NHS: variants seen among roughly 807,000 people sequenced by gnomAD.
The protein encoded by NHS is NHS actin remodeling regulator, also known as actin remodeling regulator NHS.
A neutral mutation model predicts 72.5 loss-of-function variants in NHS; 5 were observed. That is an observed-to-expected ratio of 0.07 (90% CI 0.04 to 0.14). The LOEUF is 0.14. Among genes scored for constraint, NHS ranks in the 10% least tolerant of loss-of-function variants. NHS has a pLI of 1.00. For synonymous variants in NHS, 464 were observed against 547.7 expected (o/e 0.85, Z 2.13); for missense variants, 1,072 against 1,355.7 (o/e 0.79, Z 3.29).
chrX:17,441,491 A>G (rs1173489005), intron 1 of NHS, among the ~76,000 whole-genome samples: 1 of 112,097 alleles, frequency 8.9e-6, no homozygotes, highest in Non-Finnish European at 1.9e-5. Flanking sequence ...GAGGGTGAGA[A>G]TGTTACTGAA....
chrX:17,696,131 C>T (rs1020888495), intron 3 of NHS, among the ~76,000 whole-genome samples: 1 of 111,678 alleles, frequency 9.0e-6, no homozygotes, highest in Admixed American at 9.5e-5. Context: ...ACAGAAACTA[C>T]AGCTTTAGGC....
rs1024634926 is a variant in NHS, at chrX:17,708,879, T to C, written c.853-10465T>C. Among the ~76,000 whole-genome samples the C allele has an allele frequency of 2.7e-5, 3 of 111,621 alleles. No homozygotes were observed. In the Admixed American group the frequency reaches 2.9e-4, roughly 11 times the overall value. ...GATCTTGAATGCCAGACTAGAAAGT[T>C]TGAATTTATTCCATAAGCCTAGCAA... On this transcript the variant is annotated intron_variant, in intron 3 of 8. Transcript: ENST00000676302.
intron 1 of NHS, among the ~76,000 whole-genome samples, chrX:17,542,511 C>T (rs1249604595): frequency 8.8e-6 from 1 of 113,097 alleles, no homozygotes; most frequent in African/African-American, 3.2e-5. Context: ...GTCATTACAA[C>T]TAATGCCAAA....
intron 1 of NHS, among the ~76,000 whole-genome samples, chrX:17,674,295 A>G (rs972747127): frequency 2.7e-5 from 3 of 111,912 alleles, no homozygotes; most frequent in Non-Finnish European, 5.6e-5. Context: ...TCTGCCTCAA[A>G]CCAACCGGAG....
At chrX:17,448,015 CT>C (rs2064790254) in intron 1 of NHS, among the ~76,000 whole-genome samples, 1 of 111,759 alleles carries the variant, frequency 8.9e-6, no homozygotes, top group East Asian at 2.8e-4. Context: ...AAGTCCCCTC[CT>C]TGTTGAACTG....
intron 1 of NHS, among the ~76,000 whole-genome samples, chrX:17,542,388 C>T (rs1012477918): frequency 8.8e-6 from 1 of 113,496 alleles, no homozygotes; most frequent in Non-Finnish European, 1.9e-5. Context: ...CTTATTCCTT[C>T]CTGGCATTGG....
chrX:17,552,652 G>C (rs189254727), intron 1 of NHS: 1 of 112,048 alleles, frequency 8.9e-6, no homozygotes, highest in African/African-American at 3.2e-5. Flanking sequence ...TTAAGGGAGA[G>C]GGGGTGGGGA....
At chrX:17,704,650 T>C (rs1288839275) in intron 3 of NHS, among the ~76,000 whole-genome samples, 2 of 111,603 alleles carry the variant, frequency 1.8e-5, no homozygotes, top group Non-Finnish European at 3.8e-5. Flanking sequence ...GATGACTGAC[T>C]GGGCAGAATG....
At chrX:17,415,818 T>C (rs958202469) in intron 1 of NHS, among the ~76,000 whole-genome samples, 1 of 111,784 alleles carries the variant, frequency 8.9e-6, no homozygotes, top group African/African-American at 3.3e-5. Flanking sequence ...AAACAGAGTC[T>C]TCATTCTTTT....
At chrX:17,592,929 A>G (rs1383533765) in intron 1 of NHS, among the ~76,000 whole-genome samples, 1 of 111,576 alleles carries the variant, frequency 9.0e-6, no homozygotes, top group Non-Finnish European at 1.9e-5. Context: ...GTAAAGTTCT[A>G]TCTACTTTGG....
chrX:17,386,875 GTC>G (rs1305126701), intron 1 of NHS, among the ~76,000 whole-genome samples: 2 of 110,981 alleles, frequency 1.8e-5, no homozygotes, highest in African/African-American at 6.6e-5. Flanking sequence ...GTCTCCCATT[GTC>G]TCTGTTAAAC....
intron 1 of NHS, among the ~76,000 whole-genome samples, chrX:17,415,044 T>C (rs1173543381): frequency 9.0e-6 from 1 of 111,108 alleles, no homozygotes; most frequent in Non-Finnish European, 1.9e-5. Context: ...CGGGAGGTTG[T>C]GGGATATCAC....
chrX:17,496,627 C>T (rs2065013626), intron 1 of NHS, among the ~76,000 whole-genome samples: 1 of 111,581 alleles, frequency 9.0e-6, no homozygotes, highest in Non-Finnish European at 1.9e-5. Context: ...GCCAGGAGAA[C>T]TGGTTTGGCA....
chrX:17,616,963 C>A (rs7878616), intron 1 of NHS, among the ~76,000 whole-genome samples: 5 of 111,756 alleles, frequency 4.5e-5, no homozygotes, highest in Non-Finnish European at 9.4e-5. Context: ...CCTCTGTCCT[C>A]GTAATTTAAT....
intron 2 of NHS, among the ~76,000 whole-genome samples, chrX:17,691,125 T>C (rs992322904): frequency 1.8e-5 from 2 of 111,582 alleles, no homozygotes; most frequent in South Asian, 7.6e-4. Context: ...GAAAGATATA[T>C]GTTTAAGATT....
chrX:17,571,509 G>A lies in NHS; in HGVS notation c.566-116233G>A, dbSNP rs2065477945. Among the ~76,000 whole-genome samples, 3 of 111,752 alleles carry A rather than the reference G, an allele frequency of 2.7e-5. No individual in the cohort carries two copies. The South Asian group carries it at 1.1e-3, about 42-fold the overall frequency. On this transcript the variant is annotated intron_variant, in intron 1 of 8. Transcript: ENST00000676302. ...TAGTTTGTATTTCTGTGGGATTGGT[G>A]GTGGTATCCCCTTTATCATTTTTTA...
intron 1 of NHS, among the ~76,000 whole-genome samples, chrX:17,485,171 C>T (rs1439765032): frequency 8.9e-6 from 1 of 112,316 alleles, no homozygotes; most frequent in East Asian, 2.8e-4. Flanking sequence ...CCCAGGTTAC[C>T]TACGTAGCAC....
chrX:17,432,512 T>C (rs978743745), intron 1 of NHS, among the ~76,000 whole-genome samples: 2 of 112,973 alleles, frequency 1.8e-5, no homozygotes, highest in Non-Finnish European at 3.7e-5. Context: ...TCTATGCTTT[T>C]ATATCACTTT....
At chrX:17,572,926 C>T (rs1008475023) in intron 1 of NHS, among the ~76,000 whole-genome samples, 2 of 111,298 alleles carry the variant, frequency 1.8e-5, no homozygotes, top group African/African-American at 6.6e-5. Context: ...TTTATTTCTC[C>T]GTCACTTATG....
Sources: allele counts gnomAD v4.1 joint callset (sites outside exome capture counted in the v4.1 genomes callset), GRCh38; gene constraint gnomAD v4.1.1; transcripts MANE v1.5; gene names NCBI Gene and HGNC (gene_info 2026-07-23, HGNC 2026-07-21).